The following GPC5 variants were observed in gnomAD, a reference collection of about 807,000 sequenced individuals.
The protein encoded by GPC5 is glypican 5.
A neutral mutation model predicts 53.9 loss-of-function variants in GPC5; 47 were observed. That is an observed-to-expected ratio of 0.87 (90% confidence interval 0.69 to 1.11). GPC5 has a LOEUF of 1.11. Among genes scored for constraint, GPC5 ranks in the 50% most tolerant of loss-of-function variants. The pLI, the probability that GPC5 is intolerant of heterozygous loss-of-function variation, is 0.00. For missense variants in GPC5, 748 were observed against 713.1 expected (o/e 1.05, Z -0.56); for synonymous variants, 286 against 263.3 (o/e 1.09, Z -0.84).
intron 6 of GPC5, among the ~76,000 whole-genome samples, chr13:92,113,290 G>A (rs537606122): frequency 3.9e-5 from 6 of 152,096 alleles, no homozygotes; most frequent in Admixed American, 6.5e-5. Context: ...TACCATCAAG[G>A]TTTGCTCAAA....
intron 7 of GPC5, among the ~76,000 whole-genome samples, chr13:92,572,307 A>G (rs1320988325): frequency 1.3e-5 from 2 of 152,106 alleles, no homozygotes; most frequent in African/African-American, 2.4e-5. Context: ...AATTTTCCCA[A>G]ATGACCTTCT....
intron 1 of GPC5, among the ~76,000 whole-genome samples, chr13:91,406,298 T>C (rs1877318778): frequency 6.6e-6 from 1 of 152,186 alleles, no homozygotes; most frequent in Non-Finnish European, 1.5e-5. Flanking sequence ...ACTCTAGACA[T>C]AGGCCTGTGG....
chr13:91,700,543 T>G (rs571962003), intron 3 of GPC5, among the ~76,000 whole-genome samples: 1 of 152,320 alleles, frequency 6.6e-6, no homozygotes, highest in East Asian at 1.9e-4. Flanking sequence ...CTCAAGTTGC[T>G]GGAAAGTTTA....
chr13:92,466,742 C>T (rs1301878161), intron 7 of GPC5, among the ~76,000 whole-genome samples: 1 of 151,938 alleles, frequency 6.6e-6, no homozygotes, highest in Non-Finnish European at 1.5e-5. Context: ...GAGGTTTAAG[C>T]AGTTGTTGGT....
intron 5 of GPC5, among the ~76,000 whole-genome samples, chr13:91,814,046 C>A (rs2038360681): frequency 6.7e-6 from 1 of 150,030 alleles, no homozygotes; most frequent in South Asian, 2.1e-4. Context: ...CATTCTCCTG[C>A]CTCAGCCTCC....
intron 3 of GPC5, among the ~76,000 whole-genome samples, chr13:91,718,007 G>A (rs1441475708): frequency 6.6e-6 from 1 of 152,150 alleles, no homozygotes; most frequent in Non-Finnish European, 1.5e-5. Context: ...CTTTTTCAAT[G>A]TAGGATTCTT....
chr13:92,811,960 A>C lies in GPC5; in HGVS notation c.1562-54322A>C, dbSNP rs1877315944. ...ACTCAATTGTATTCCATTAGTCTGTAACATATGCCAATATCACACTGTTTT... is the reference window on the plus strand; with the variant it reads ...ACTCAATTGTATTCCATTAGTCTGTCACATATGCCAATATCACACTGTTTT... On this transcript the variant is annotated intron_variant, in intron 7 of 7. Coordinates refer to ENST00000377067, the MANE Select transcript of GPC5 (RefSeq NM_004466.6). Among the ~76,000 whole-genome samples the C allele has an allele frequency of 2.0e-5, 3 of 151,920 alleles. No individual in the cohort carries two copies. The South Asian group carries it at 6.2e-4, about 31-fold the overall frequency.
At chr13:92,618,356 T>G (rs1354894959) in intron 7 of GPC5, among the ~76,000 whole-genome samples, 1 of 152,036 alleles carries the variant, frequency 6.6e-6, no homozygotes, top group Non-Finnish European at 1.5e-5. Flanking sequence ...AGTATTTAGG[T>G]TAATTTGACT....
chr13:91,555,922 C>T (rs1361349076), intron 2 of GPC5, among the ~76,000 whole-genome samples: 2 of 152,006 alleles, frequency 1.3e-5, no homozygotes, highest in East Asian at 3.9e-4. Flanking sequence ...GTCCCTCCCA[C>T]AACACATGGG....
chr13:92,699,096 A>C (rs550449682), intron 7 of GPC5, among the ~76,000 whole-genome samples: 10 of 152,094 alleles, frequency 6.6e-5, no homozygotes, highest in African/African-American at 2.4e-4. Flanking sequence ...TTGCTGCCTC[A>C]ATTTCAGAAC....
intron 6 of GPC5, among the ~76,000 whole-genome samples, chr13:92,048,295 ATTTAT>A (rs1444062986): frequency 6.6e-6 from 1 of 151,638 alleles, no homozygotes; most frequent in Non-Finnish European, 1.5e-5. Context: ...AATTATATAA[ATTTAT>A]TTTATATTAC....
chr13:91,423,014 C>T (rs1016906779), intron 1 of GPC5, among the ~76,000 whole-genome samples: 6 of 152,102 alleles, frequency 3.9e-5, no homozygotes, highest in African/African-American at 1.4e-4. Flanking sequence ...CAAAAAAGTA[C>T]CTCCTTAACT....
chr13:92,716,796 T>G (rs1200431390), intron 7 of GPC5, among the ~76,000 whole-genome samples: 1 of 152,172 alleles, frequency 6.6e-6, no homozygotes, highest in Non-Finnish European at 1.5e-5. Flanking sequence ...AACCTGGACT[T>G]GAAACAAATT....
intron 7 of GPC5, among the ~76,000 whole-genome samples, chr13:92,493,100 C>T (rs1879826643): frequency 6.6e-6 from 1 of 152,190 alleles, no homozygotes; most frequent in Admixed American, 6.5e-5. Flanking sequence ...ACAGACTCAA[C>T]AGGTTCATGA....
intron 6 of GPC5, among the ~76,000 whole-genome samples, chr13:92,112,869 AAGG>A (rs1177535070): frequency 1.3e-5 from 2 of 152,086 alleles, no homozygotes; most frequent in Non-Finnish European, 2.9e-5. Context: ...GCTAAGGAGA[AAGG>A]AGAAGGGTTT....
intron 5 of GPC5, among the ~76,000 whole-genome samples, chr13:91,779,407 C>T (rs2037761438): frequency 6.6e-6 from 1 of 152,016 alleles, no homozygotes. Context: ...GTTGCCCAGG[C>T]TGGAGTGCAG....
chr13:92,318,954 G>A (rs1357501150), intron 7 of GPC5, among the ~76,000 whole-genome samples: 1 of 152,152 alleles, frequency 6.6e-6, no homozygotes, highest in African/African-American at 2.4e-5. Flanking sequence ...CTTTCAGTGA[G>A]TGAGTGTTGT....
intron 7 of GPC5, chr13:92,659,220 G>T (rs561512101): frequency 1.3e-5 from 2 of 152,012 alleles, no homozygotes; most frequent in South Asian, 2.1e-4. Context: ...GAGCCACCGC[G>T]CCCGGCCTTA....
chr13:92,421,550 T>G (rs1464127744), intron 7 of GPC5, among the ~76,000 whole-genome samples: 7 of 151,262 alleles, frequency 4.6e-5, no homozygotes, highest in Non-Finnish European at 8.8e-5. Context: ...ATACAAAAAA[T>G]TAGTCGGGCG....
Sources: gnomAD v4.1 joint callset for allele counts (sites outside exome capture counted in the v4.1 genomes callset) on GRCh38, gnomAD v4.1.1 for gene constraint, MANE v1.5 for transcripts, NCBI Gene and HGNC (gene_info 2026-07-23, HGNC 2026-07-21) for gene names.